The following ABCC1 variants were observed in gnomAD, a reference collection of about 807,000 sequenced individuals.
The protein encoded by ABCC1 is ATP binding cassette subfamily C member 1 (ABCC1 blood group), also known as multidrug resistance-associated protein 1.
Under a neutral mutation model 172.9 loss-of-function variants are expected in ABCC1, and 83 were observed. That is an observed-to-expected ratio of 0.48 (90% confidence interval 0.40 to 0.58). The LOEUF (loss-of-function observed/expected upper bound fraction) is 0.58. Among genes scored for constraint, ABCC1 ranks in the 20% least tolerant of loss-of-function variants. ABCC1 has a pLI of 0.00. For synonymous variants in ABCC1, 937 were observed against 825.2 expected (o/e 1.14, Z -2.32); for missense variants, 1,817 against 2,002.7 (o/e 0.91, Z 1.77).
Position 16,141,522 on chromosome 16 carries a change from C to G in ABCC1, c.*241C>G. ...CACCCAAAACACGCACACCCTGCCC[C>G]TGGTGCCCTGAGACAGACACACAGC... On this transcript the variant is annotated 3_prime_UTR_variant, in exon 31 of 31. Coordinates refer to ENST00000399410, the MANE Select transcript of ABCC1 (RefSeq NM_004996.4). The G allele has an allele frequency of 1.9e-6, 1 of 512,968 alleles. No individual in the cohort carries two copies. The highest frequency in any genetic ancestry group is 2.7e-5 in the South Asian group (1 of 37,638). 31.8% of individuals were successfully genotyped at this position (512,968 alleles called of 1,614,324 possible).
At chr16:16,101,521 A>G (rs944461018) in intron 19 of ABCC1, among the ~76,000 whole-genome samples, 1 of 152,008 alleles carries the variant, frequency 6.6e-6, no homozygotes, top group African/African-American at 2.4e-5. Context: ...TATTCATGTC[A>G]TCACCCGAGC....
At position 16,016,527 on chromosome 16, in the gene ABCC1, C is replaced by T; in HGVS notation, c.521C>T (p.Thr174Ile). 6.2e-7 allele frequency: 1 copy of T among 1,614,170 alleles called. No homozygotes were observed. The highest frequency in any genetic ancestry group is 8.5e-7 in the Non-Finnish European group (1 of 1,180,018). The change falls in exon 5 of 31, where the codon ACT becomes ATT. Residue 174 changes from threonine to isoleucine, a missense_variant. By Grantham distance (89) the Thr-to-Ile change is moderately conservative. Around this residue, in one of 3 missense-constraint regions of ABCC1, gnomAD observed 398 missense variants for 384.2 expected, o/e 1.04. Transcript: ENST00000399410. ...CAGGTGGACCTGTTTCGTGACATCA[C>T]TTTCTACGTCTACTTTTCCCTCTTA... ...DAQVDLFRDI[T>I]FYVYFSLLLI...
Position 16,106,942 on chromosome 16 carries a change from G to T in ABCC1, c.2871+69G>T. ...GAGCGCCCACTGTGCACTGGGCACT[G>T]TGCAAAGTGCCTTGTCTATGTTAAC... On this transcript the variant is annotated intron_variant, in intron 21 of 30. Transcript: ENST00000399410. The T allele has an allele frequency of 3.8e-6, 6 of 1,588,326 alleles. No homozygotes were observed. The South Asian group carries it at 5.6e-5, about 15-fold the overall frequency.
chr16:16,064,793 A>G (rs939275254), intron 12 of ABCC1, among the ~76,000 whole-genome samples: 2 of 152,210 alleles, frequency 1.3e-5, no homozygotes, highest in African/African-American at 4.8e-5. Flanking sequence ...CTCTGACAAT[A>G]CAGCAGTGCA....
At position 16,138,324 on chromosome 16, in the gene ABCC1, T is replaced by C. The variant is rs557244077; in HGVS notation, c.4293-40T>C. ...CCTAGGTTCAGGGTCAGGGGTGGTT[T>C]GACCCAACACTATCTCCTGGTTTTT... On this transcript the variant is annotated intron_variant, in intron 29 of 30. Transcript: ENST00000399410. 14 of 1,543,770 alleles carry C rather than the reference T, an allele frequency of 9.1e-6. No homozygotes were observed. The Admixed American group carries it at 2.5e-4, about 28-fold the overall frequency.
rs556504245 is a variant in ABCC1 at position 16,023,512 on chromosome 16, C to T, written c.615+6891C>T. Among the ~76,000 whole-genome samples, 26 of 152,272 alleles carry T rather than the reference C, an allele frequency of 1.7e-4. No individual in the cohort carries two copies. In the East Asian group the frequency reaches 3.5e-3, roughly 20 times the overall value. On this transcript the variant is annotated intron_variant, in intron 5 of 30. Transcript: ENST00000399410. The stretch of plus-strand genomic sequence containing the variant: ...CCTGATCTTGGACCGTTGATTAAAG[C>T]GTTGAAACTCCATTTTCTTTCCATT...
At chr16:16,019,304 A>G (rs994679546) in intron 5 of ABCC1, among the ~76,000 whole-genome samples, 5 of 151,916 alleles carry the variant, frequency 3.3e-5, no homozygotes, top group African/African-American at 1.2e-4. Flanking sequence ...GGGCTTCACC[A>G]TCTTGGCCCG....
intron 1 of ABCC1, among the ~76,000 whole-genome samples, chr16:15,977,717 G>C (rs2046526267): frequency 2.0e-5 from 3 of 152,096 alleles, no homozygotes; most frequent in Admixed American, 2.0e-4. Flanking sequence ...CAGAGTGCTG[G>C]GATTACAGGT....
intron 9 of ABCC1, among the ~76,000 whole-genome samples, chr16:16,047,543 T>G (rs2049262009): frequency 6.6e-6 from 1 of 152,124 alleles, no homozygotes; most frequent in South Asian, 2.1e-4. Flanking sequence ...AGGGCACGTT[T>G]GGCAATATCT....
intron 18 of ABCC1, among the ~76,000 whole-genome samples, chr16:16,087,388 A>C (rs190818480): frequency 2.1e-4 from 32 of 152,208 alleles, no homozygotes; most frequent in Admixed American, 2.1e-3. Context: ...ACATAATAGG[A>C]AATAGTTCCT....
intron 19 of ABCC1, among the ~76,000 whole-genome samples, chr16:16,100,545 T>C (rs1596497960): frequency 6.6e-6 from 1 of 152,246 alleles, no homozygotes; most frequent in Non-Finnish European, 1.5e-5. Flanking sequence ...TCCTGGGTGA[T>C]GTGGCTATTT....
chr16:16,026,468 T>TTTTTC lies in ABCC1; in HGVS notation c.616-6637_616-6636insCTTTT, dbSNP rs2048377517. Among the ~76,000 whole-genome samples the TTTTTC allele has an allele frequency of 3.8e-5, 4 of 105,876 alleles. No individual in the cohort carries two copies. The South Asian group carries it at 8.9e-4, about 24-fold the overall frequency. The allele number at this position is 105,876 out of a possible 152,430, so 69.5% of individuals were successfully genotyped here. A position where few individuals can be genotyped will look rare whatever the true frequency, so the allele number is the denominator to read the frequency against. On this transcript the variant is annotated intron_variant, in intron 5 of 30. Coordinates refer to ENST00000399410, the MANE Select transcript of ABCC1 (RefSeq NM_004996.4). ...AAAAAAAAAAAAAGGCTATTTCCTT[T>TTTTTC]TTTTTTTTTTTTTTTTTTTTGCCAG... is the stretch of plus-strand genomic sequence containing the variant.
rs781569944 is a variant in ABCC1 at position 16,114,801 on chromosome 16, A to T, written c.3115A>T (p.Ile1039Phe). ...AVFGYSMAVSIGGILASRCLH... is the reference protein window; with the variant it reads ...AVFGYSMAVSFGGILASRCLH... ...GTTTGGCTACTCCATGGCCGTGTCC[A>T]TCGGGGGGATCTTGGCTTCCCGCTG... Residue 1039 changes from isoleucine to phenylalanine, a missense_variant, in exon 23 of 31, where the codon ATC (isoleucine) becomes TTC (phenylalanine). Physicochemically the swap from Ile to Phe is conservative, Grantham distance 21. Coordinates refer to ENST00000399410, the MANE Select transcript of ABCC1 (RefSeq NM_004996.4). 1 of 1,607,738 alleles carries T rather than the reference A, an allele frequency of 6.2e-7. No homozygotes were observed. The highest frequency in any genetic ancestry group is 1.7e-5 in the Admixed American group (1 of 59,892).
In ABCC1 at chr16:16,141,424, AG is replaced by A. The variant is rs1006411818; in HGVS notation, c.*144del. The A allele has an allele frequency of 2.9e-6, 2 of 701,646 alleles. No homozygotes were observed. Among genetic ancestry groups the A allele is most frequent in the Non-Finnish European group, 4.7e-6 (2 of 422,834 alleles). 43.5% of individuals were successfully genotyped at this position (701,646 alleles called of 1,614,324 possible). ...ACCCAGACAACCAAAACATATTCAA[AG>A]CAGCAGCCACCGCCATCCGGTCCCC... On this transcript the variant is annotated 3_prime_UTR_variant, in exon 31 of 31. Coordinates refer to ENST00000399410, the MANE Select transcript of ABCC1 (RefSeq NM_004996.4).
At chr16:16,037,143 T>A (rs1597152071) in intron 7 of ABCC1, among the ~76,000 whole-genome samples, 1 of 152,056 alleles carries the variant, frequency 6.6e-6, no homozygotes, top group East Asian at 1.9e-4. Context: ...AACAGGCAGT[T>A]GATGCTGTCT....
intron 16 of ABCC1, among the ~76,000 whole-genome samples, chr16:16,081,663 A>G (rs2050809778): frequency 6.6e-6 from 1 of 152,166 alleles, no homozygotes; most frequent in Non-Finnish European, 1.5e-5. Context: ...TTGAGAATTT[A>G]GAGTAAGAAT....
intron 7 of ABCC1, among the ~76,000 whole-genome samples, chr16:16,039,266 C>CTTTTTCTTTT (rs2048882310): frequency 1.1e-5 from 1 of 87,768 alleles, no homozygotes; most frequent in African/African-American, 5.5e-5. Context: ...TGTGTGTTTT[C>CTTTTTCTTTT]TTTTTTTTTT....
intron 26 of ABCC1, among the ~76,000 whole-genome samples, chr16:16,127,025 G>C (rs755560867): frequency 2.4e-4 from 36 of 152,180 alleles, no homozygotes; most frequent in Middle Eastern, 3.4e-3. Flanking sequence ...TTGATGTTGC[G>C]TTGCCCTTAA....
chr16:16,058,799 A>G (rs1306844023), intron 12 of ABCC1, among the ~76,000 whole-genome samples: 1 of 152,182 alleles, frequency 6.6e-6, no homozygotes, highest in Non-Finnish European at 1.5e-5. Flanking sequence ...ACAGGCATGC[A>G]GCAACCATGC....
Sources: gnomAD v4.1 joint callset for allele counts (sites outside exome capture counted in the v4.1 genomes callset) on GRCh38, gnomAD v4.1.1 for gene constraint, gnomAD v4.1.1 regional missense constraint, MANE v1.5 for transcripts, NCBI Gene and HGNC (gene_info 2026-07-23, HGNC 2026-07-21) for gene names.